WWOX: variants seen among roughly 807,000 people sequenced by gnomAD.
The protein encoded by WWOX is WW domain-containing oxidoreductase.
Under a neutral mutation model 46.2 loss-of-function variants are expected in WWOX, and 69 were observed. The ratio of observed to expected loss-of-function variants is 1.49; its 90% CI spans 1.23 to 1.82. The LOEUF is 1.82. Ranked by LOEUF, WWOX falls within the 40% of genes most tolerant of loss-of-function variation. The probability of loss-of-function intolerance (pLI) is 0.00; values close to 1 mark genes in which losing one functional copy is unlikely to be tolerated. For synonymous variants in WWOX, 359 were observed against 202.6 expected, an observed-to-expected ratio of 1.77 and a Z score of -6.56; for missense variants, 919 against 542.6, an observed-to-expected ratio of 1.69 and a Z score of -6.89.
chr16:78,410,838 G>T (rs978451269), intron 6 of WWOX, among the ~76,000 whole-genome samples: 1 of 150,860 alleles, frequency 6.6e-6, no homozygotes, highest in Non-Finnish European at 1.5e-5. Context: ...AGTTAGCTGG[G>T]GCCAAGGTCA....
rs539975351 is a variant in WWOX, at chr16:78,853,522, G to A, written c.1057-358086G>A. On this transcript the variant is annotated intron_variant, in intron 8 of 8. Transcript: ENST00000566780. ...TTCAGCAAACATTCCATAACCCGGT[G>A]TGCTAAAACCCCCTCACTGCTCTCC... is the stretch of plus-strand genomic sequence containing the variant. Among the ~76,000 whole-genome samples the A allele has an allele frequency of 9.6e-4, 146 of 152,286 alleles. 1 individual carries two copies. Among genetic ancestry groups the A allele is most frequent in the African/African-American group, 3.5e-3 (144 of 41,544 alleles).
intron 8 of WWOX, among the ~76,000 whole-genome samples, chr16:79,163,388 A>T (rs2050525393): frequency 6.6e-6 from 1 of 152,194 alleles, no homozygotes; most frequent in African/African-American, 2.4e-5. Flanking sequence ...TAGAAGTAGG[A>T]ATCGTCATTA....
intron 8 of WWOX, among the ~76,000 whole-genome samples, chr16:78,638,160 A>G (rs544206268): frequency 2.6e-5 from 4 of 152,294 alleles, no homozygotes; most frequent in Admixed American, 2.0e-4. Flanking sequence ...TCCCATGGCA[A>G]TTATTTTACA....
At chr16:78,847,523 A>G (rs888389817) in intron 8 of WWOX, among the ~76,000 whole-genome samples, 13 of 152,118 alleles carry the variant, frequency 8.5e-5, no homozygotes, top group South Asian at 6.2e-4. Context: ...TGTGGAGAGC[A>G]GGGTCTTGCT....
chr16:78,996,258 C>G (rs2046985271), intron 8 of WWOX: 2 of 984,884 alleles, frequency 2.0e-6, no homozygotes, highest in African/African-American at 3.5e-5. Flanking sequence ...AGAGCTGAGC[C>G]AGACCCCTTT....
intron 5 of WWOX, among the ~76,000 whole-genome samples, chr16:78,220,245 A>G (rs1333585666): frequency 6.6e-6 from 1 of 152,166 alleles, no homozygotes; most frequent in East Asian, 1.9e-4. Flanking sequence ...TGAGTTTTAC[A>G]TGGTTTAAAG....
At chr16:79,109,618 C>T (rs1251089656) in intron 8 of WWOX, among the ~76,000 whole-genome samples, 1 of 152,092 alleles carries the variant, frequency 6.6e-6, no homozygotes, top group Non-Finnish European at 1.5e-5. Context: ...AATTTATTTC[C>T]ACCAATGGAG....
At chr16:78,264,016 G>T (rs59586552) in intron 5 of WWOX, among the ~76,000 whole-genome samples, 65,521 of 97,566 alleles carry the variant, frequency 0.67, 19,541 homozygotes, top group East Asian at 0.84. Flanking sequence ...TTTTTTTTTT[G>T]TTTTTTTGCT....
intron 8 of WWOX, among the ~76,000 whole-genome samples, chr16:78,971,905 G>T (rs111741890): frequency 2.6e-5 from 4 of 152,286 alleles, no homozygotes; most frequent in African/African-American, 9.6e-5. Flanking sequence ...TATTAGTGCA[G>T]ACCTTGCAGG....
intron 8 of WWOX, among the ~76,000 whole-genome samples, chr16:79,074,597 C>A (rs1182890114): frequency 1.3e-5 from 2 of 151,498 alleles, no homozygotes; most frequent in African/African-American, 2.4e-5. Flanking sequence ...TAAGTATCTC[C>A]CTTTATAAGC....
chr16:78,841,374 C>G lies in WWOX; in HGVS notation c.1057-370234C>G, dbSNP rs574457352. Among the ~76,000 whole-genome samples, 5 of 152,262 alleles carry G rather than the reference C, an allele frequency of 3.3e-5. No homozygotes were observed. In the East Asian group the frequency reaches 9.6e-4, roughly 29 times the overall value. ...AGTTGGGTGCTAGACATGCCCTTAG[C>G]GAGCAGCTCATGAGAGCAGATTTTG... On this transcript the variant is annotated intron_variant, in intron 8 of 8. Transcript: ENST00000566780.
At chr16:79,208,284 C>G (rs1395086110) in intron 8 of WWOX, among the ~76,000 whole-genome samples, 2 of 152,116 alleles carry the variant, frequency 1.3e-5, no homozygotes, top group Non-Finnish European at 2.9e-5. Context: ...CGTCAACAAC[C>G]TAACTCATTG....
intron 8 of WWOX, among the ~76,000 whole-genome samples, chr16:78,493,003 C>A (rs938590239): frequency 6.6e-6 from 1 of 152,150 alleles, no homozygotes; most frequent in Non-Finnish European, 1.5e-5. Context: ...GGGAGATACT[C>A]TTTACCATCC....
intron 8 of WWOX, among the ~76,000 whole-genome samples, chr16:78,712,254 AG>A (rs2048459607): frequency 6.6e-6 from 1 of 152,166 alleles, no homozygotes; most frequent in Non-Finnish European, 1.5e-5. Flanking sequence ...CTGTAATCCC[AG>A]CACTTTGGGA....
chr16:78,937,448 C>CTTTTTTTTTTTTTT lies in WWOX; in HGVS notation c.1057-274147_1057-274134dup, dbSNP rs537642648. On this transcript the variant is annotated intron_variant, in intron 8 of 8. Transcript: ENST00000566780. ...TTAGAGAACTTTGTATTTGTATTAA[C>CTTTTTTTTTTTTTT]TTTTTTTTTTTTTTTTTTTTTTTTT... Among the ~76,000 whole-genome samples, 80 of 81,990 alleles carry CTTTTTTTTTTTTTT rather than the reference C, an allele frequency of 9.8e-4. 11 individuals carry two copies. Among genetic ancestry groups the CTTTTTTTTTTTTTT allele is most frequent in the African/African-American group, 4.0e-3 (76 of 19,118 alleles). The allele number at this position is 81,990 out of a possible 152,430, so 53.8% of individuals were successfully genotyped here.
intron 8 of WWOX, among the ~76,000 whole-genome samples, chr16:79,045,012 G>T (rs1346703403): frequency 6.6e-6 from 1 of 152,180 alleles, no homozygotes; most frequent in African/African-American, 2.4e-5. Context: ...GTTAAAATTA[G>T]CATCAGCGAG....
intron 8 of WWOX, among the ~76,000 whole-genome samples, chr16:78,645,848 G>C (rs901337422): frequency 6.6e-6 from 1 of 152,054 alleles, no homozygotes; most frequent in African/African-American, 2.4e-5. Flanking sequence ...CTGGGCTCTG[G>C]GGGCTTCTGG....
At position 79,031,914 on chromosome 16, in the gene WWOX, ATC is replaced by A. The variant is rs2047768041; in HGVS notation, c.1057-179692_1057-179691del. ...TATACAGATATCTATATATATAGAT[ATC>A]TATATATATAGATATCTGTATACAG... On this transcript the variant is annotated intron_variant, in intron 8 of 8. Coordinates refer to ENST00000566780, the MANE Select transcript of WWOX (RefSeq NM_016373.4). 1.1e-4 allele frequency among the ~76,000 whole-genome samples: 14 copies of A among 124,758 alleles called. No homozygotes were observed. In the South Asian group the frequency reaches 2.7e-3, roughly 24 times the overall value. The allele number at this position is 124,758 out of a possible 152,430, so 81.8% of individuals were successfully genotyped here.
intron 5 of WWOX, among the ~76,000 whole-genome samples, chr16:78,379,665 C>T (rs2081911510): frequency 6.6e-6 from 1 of 152,172 alleles, no homozygotes; most frequent in Admixed American, 6.5e-5. Flanking sequence ...AACATGTGGG[C>T]AGCAGACCAA....
Sources: allele counts gnomAD v4.1 joint callset (sites outside exome capture counted in the v4.1 genomes callset), GRCh38; gene constraint gnomAD v4.1.1; transcripts MANE v1.5; gene names NCBI Gene and HGNC (gene_info 2026-07-23, HGNC 2026-07-21).